DLGAP1: variants seen among roughly 807,000 people sequenced by gnomAD.
The protein encoded by DLGAP1 is disks large-associated protein 1.
Under a neutral mutation model 90.8 loss-of-function variants are expected in DLGAP1, and 11 were observed. That is an observed-to-expected ratio of 0.12 (90% CI 0.08 to 0.20). The LOEUF (loss-of-function observed/expected upper bound fraction) is 0.20, where lower values mean the gene tolerates loss of function less well. Ranked by LOEUF, DLGAP1 falls within the 10% of genes least tolerant of loss-of-function variation. DLGAP1 has a pLI of 1.00. For missense variants in DLGAP1, 1,050 were observed against 1,333.8 expected (o/e 0.79, Z 3.31); for synonymous variants, 558 against 540.7 (o/e 1.03, Z -0.44).
intron 5 of DLGAP1, among the ~76,000 whole-genome samples, chr18:3,745,300 T>C (rs2063221531): frequency 6.6e-6 from 1 of 152,216 alleles, no homozygotes; most frequent in Non-Finnish European, 1.5e-5. Context: ...TCTGAATATA[T>C]GAAAATCATT....
chr18:4,276,482 G>A (rs186577229), intron 1 of DLGAP1, among the ~76,000 whole-genome samples: 3 of 151,076 alleles, frequency 2.0e-5, no homozygotes, highest in Admixed American at 1.3e-4. Context: ...CTAAAAATAC[G>A]AAAATTAGCC....
intron 4 of DLGAP1, among the ~76,000 whole-genome samples, chr18:3,851,585 A>C (rs1171575572): frequency 6.6e-6 from 1 of 152,214 alleles, no homozygotes; most frequent in East Asian, 1.9e-4. Flanking sequence ...ATACACATAC[A>C]GATATGATAA....
At chr18:4,152,155 C>T (rs1340765627) in intron 1 of DLGAP1, among the ~76,000 whole-genome samples, 1 of 152,064 alleles carries the variant, frequency 6.6e-6, no homozygotes, top group Non-Finnish European at 1.5e-5. Context: ...GAAAACTGAT[C>T]TGATGTCGAA....
At position 4,344,848 on chromosome 18, in the gene DLGAP1, C is replaced by T. The variant is rs117669268; in HGVS notation, c.-267+110158G>A. 4.4e-3 allele frequency among the ~76,000 whole-genome samples: 667 copies of T among 152,284 alleles called. 2 individuals carry two copies. The highest frequency in any genetic ancestry group is 7.4e-3 in the Non-Finnish European group (502 of 68,026). On this transcript the variant is annotated intron_variant, in intron 1 of 12. Coordinates refer to ENST00000315677, the MANE Select transcript of DLGAP1 (RefSeq NM_004746.4). ...TCTTCCCAGTTTTCATTTACCAAGCCTTGTTCACTAGGACATTTTTGAGAT... is the reference window on the plus strand; with the variant it reads ...TCTTCCCAGTTTTCATTTACCAAGCTTTGTTCACTAGGACATTTTTGAGAT...
chr18:3,874,685 G>A, intron 4 of DLGAP1: 2 of 1,535,114 alleles, frequency 1.3e-6, no homozygotes, highest in East Asian at 2.4e-5. Flanking sequence ...GAATTAAACA[G>A]TTTTAATGTC....
chr18:4,448,434 A>C (rs1280539313), intron 1 of DLGAP1, among the ~76,000 whole-genome samples: 1 of 152,172 alleles, frequency 6.6e-6, no homozygotes, highest in Non-Finnish European at 1.5e-5. Flanking sequence ...ATACCTACCA[A>C]AATACCTGAC....
intron 1 of DLGAP1, among the ~76,000 whole-genome samples, chr18:4,245,742 T>C (rs1432232167): frequency 6.6e-6 from 1 of 152,170 alleles, no homozygotes; most frequent in Non-Finnish European, 1.5e-5. Context: ...TAAGATTTGA[T>C]TTTTCTGCTA....
At chr18:3,746,697 CTT>C (rs2063282901) in intron 5 of DLGAP1, among the ~76,000 whole-genome samples, 1 of 152,036 alleles carries the variant, frequency 6.6e-6, no homozygotes, top group Admixed American at 6.6e-5. Context: ...AGGAAAGTAA[CTT>C]TATATATCAC....
At chr18:4,376,235 A>G (rs1419590743) in intron 1 of DLGAP1, among the ~76,000 whole-genome samples, 1 of 152,194 alleles carries the variant, frequency 6.6e-6, no homozygotes, top group Non-Finnish European at 1.5e-5. Flanking sequence ...TATGCAACTT[A>G]CAAAATTATT....
intron 1 of DLGAP1, among the ~76,000 whole-genome samples, chr18:4,413,348 G>T (rs1360837855): frequency 6.6e-6 from 1 of 152,124 alleles, no homozygotes; most frequent in Non-Finnish European, 1.5e-5. Flanking sequence ...TATAGCACAT[G>T]CAAGTGCACC....
At chr18:3,500,189 C>A (rs1364335814) in intron 12 of DLGAP1, among the ~76,000 whole-genome samples, 1 of 152,056 alleles carries the variant, frequency 6.6e-6, no homozygotes, top group Non-Finnish European at 1.5e-5. Context: ...GAGGTCATTC[C>A]TCTTATCAGC....
chr18:3,729,340 G>A lies in DLGAP1; in HGVS notation c.1386C>T (p.Ser462=), dbSNP rs113150602. 3.7e-6 allele frequency: 6 copies of A among 1,613,828 alleles called. No homozygotes were observed. Among genetic ancestry groups the A allele is most frequent in the South Asian group, 3.3e-5 (3 of 91,062 alleles). ...SEMEVNGQFE[S]VCESVFSELE... Reference sequence around the variant, plus strand: ...GCTCGCTGAACACGGACTCGCACACGGACTCGAACTGCCCGTTCACTTCCA... The same window carrying A: ...GCTCGCTGAACACGGACTCGCACACAGACTCGAACTGCCCGTTCACTTCCA... The change falls in exon 7 of 13, where the codon TCC becomes TCT. Residue 462 remains serine (S), a synonymous_variant. Transcript: ENST00000315677. The surrounding 1 kb of genome is among the most constrained non-coding windows in gnomAD (Gnocchi z 6.2).
intron 2 of DLGAP1, among the ~76,000 whole-genome samples, chr18:4,041,588 C>T (rs1158490136): frequency 6.6e-6 from 1 of 152,108 alleles, no homozygotes; most frequent in East Asian, 1.9e-4. Context: ...TAATTATTAC[C>T]ACAAAACCAA....
intron 7 of DLGAP1, among the ~76,000 whole-genome samples, chr18:3,626,194 G>T (rs1410746427): frequency 1.3e-5 from 2 of 152,040 alleles, no homozygotes; most frequent in African/African-American, 4.8e-5. Context: ...TTGGGGGGCT[G>T]AGGTGGGAGG....
At chr18:3,972,464 GT>G (rs1476253591) in intron 3 of DLGAP1, among the ~76,000 whole-genome samples, 3 of 151,788 alleles carry the variant, frequency 2.0e-5, no homozygotes, top group Non-Finnish European at 4.4e-5. Flanking sequence ...ATTCAAACAT[GT>G]TTCCTTGGTG....
intron 5 of DLGAP1, among the ~76,000 whole-genome samples, chr18:3,797,099 T>A (rs1235632675): frequency 6.6e-6 from 1 of 152,114 alleles, no homozygotes; most frequent in East Asian, 1.9e-4. Flanking sequence ...ATTGGGAGGC[T>A]GAGGCAGGTG....
At chr18:4,326,675 A>C (rs555789274) in intron 1 of DLGAP1, among the ~76,000 whole-genome samples, 1 of 152,294 alleles carries the variant, frequency 6.6e-6, no homozygotes, top group African/African-American at 2.4e-5. Flanking sequence ...AAAAAGAATG[A>C]GCTCATGTCC....
intron 7 of DLGAP1, among the ~76,000 whole-genome samples, chr18:3,602,498 G>C (rs570566295): frequency 9.3e-5 from 14 of 150,910 alleles, no homozygotes; most frequent in South Asian, 4.2e-4. Context: ...GGGAGGCTGA[G>C]GCAGGAGAAT....
chr18:3,708,332 A>G, intron 7 of DLGAP1: 1 of 437,360 alleles, frequency 2.3e-6, no homozygotes, highest in South Asian at 1.6e-5. Context: ...GCAAGAACAC[A>G]CATCTGACCG....
Sources: gnomAD v4.1 joint callset for allele counts (sites outside exome capture counted in the v4.1 genomes callset) on GRCh38, gnomAD v4.1.1 for gene constraint, Gnocchi (gnomAD v3.1) non-coding constraint, MANE v1.5 for transcripts, NCBI Gene and HGNC (gene_info 2026-07-23, HGNC 2026-07-21) for gene names.